The following ICA1 variants were observed in gnomAD, a reference collection of about 807,000 sequenced individuals.
ICA1 encodes the protein 69 kDa islet cell autoantigen.
In ICA1, 40 loss-of-function variants were observed where a neutral mutation model predicts 71.0. The observed-to-expected ratio is 0.56, with a 90% CI of 0.44 to 0.73. The LOEUF (loss-of-function observed/expected upper bound fraction) is 0.73. Among genes scored for constraint, ICA1 ranks in the 30% least tolerant of loss-of-function variants. The pLI, the probability that ICA1 is intolerant of heterozygous loss-of-function variation, is 0.00. For synonymous variants in ICA1, 207 were observed against 209.5 expected (o/e 0.99, Z 0.10); for missense variants, 578 against 576.5 (o/e 1.00, Z -0.03).
At chr7:8,119,873 A>G (rs1385924631) in intron 13 of ICA1, among the ~76,000 whole-genome samples, 1 of 152,226 alleles carries the variant, frequency 6.6e-6, no homozygotes, top group Non-Finnish European at 1.5e-5. Context: ...AAGAGGACCC[A>G]GGAATACAAA....
intron 1 of ICA1, among the ~76,000 whole-genome samples, chr7:8,261,268 G>A (rs776242307): frequency 3.9e-5 from 6 of 152,186 alleles, no homozygotes; most frequent in Non-Finnish European, 8.8e-5. Flanking sequence ...ACCCCAAAGA[G>A]AAGCTCAGGT....
At chr7:8,118,952 C>T (rs900123858) in intron 13 of ICA1, among the ~76,000 whole-genome samples, 38 of 152,116 alleles carry the variant, frequency 2.5e-4, no homozygotes, top group Admixed American at 2.2e-3. Flanking sequence ...AGGTAGAGCC[C>T]GGGAAGATTT....
At chr7:8,196,144 T>C (rs1357292978) in intron 6 of ICA1, among the ~76,000 whole-genome samples, 1 of 152,164 alleles carries the variant, frequency 6.6e-6, no homozygotes, top group Non-Finnish European at 1.5e-5. Flanking sequence ...AAAACTGTGA[T>C]ACATCCAGAC....
At chr7:8,128,223 G>C in intron 12 of ICA1, 81 bp from the exon 13 acceptor site, 2 of 1,428,590 alleles carry the variant, frequency 1.4e-6, no homozygotes, top group South Asian at 1.3e-5. Flanking sequence ...GCTGCGAAGG[G>C]GGAGACTGGT....
intron 6 of ICA1, among the ~76,000 whole-genome samples, chr7:8,179,573 A>T (rs190209324): frequency 3.3e-5 from 5 of 152,326 alleles, no homozygotes; most frequent in Non-Finnish European, 2.9e-5. Flanking sequence ...GGTGTTGCTA[A>T]ATGTGGTGGG....
chr7:8,251,141 G>A (rs1415833963), intron 1 of ICA1, among the ~76,000 whole-genome samples: 1 of 151,938 alleles, frequency 6.6e-6, no homozygotes, highest in Non-Finnish European at 1.5e-5. Flanking sequence ...ACCAGCTTTG[G>A]ACTCCCCAAG....
Position 8,127,933 on chromosome 7 carries a change from C to G in ICA1, c.1270G>C (p.Gly424Arg). The change falls in exon 13 of 14, where the codon GGT becomes CGT. Residue 424 changes from glycine (G) to arginine (R), a missense_variant. Gly to Arg is a moderately radical substitution (Grantham distance 125). Coordinates refer to ENST00000402384, the MANE Select transcript of ICA1 (RefSeq NM_001136020.3). ...TCTAAAAGCTGCGAAGGAAGGAAAC[C>G]TGAGCCTGTCTGGGCCTTGGGGTCT... ...EPDPKAQTGS[G>R]FLPSQLLDQN... is the part of the protein sequence containing the mutation. 6.2e-7 allele frequency: 1 copy of G among 1,614,224 alleles called. No individual in the cohort carries two copies. The highest frequency in any genetic ancestry group is 1.7e-5 in the Admixed American group (1 of 60,030).
At chr7:8,126,947 AC>A (rs1789429546) in intron 13 of ICA1, among the ~76,000 whole-genome samples, 3 of 150,370 alleles carry the variant, frequency 2.0e-5, no homozygotes, top group Admixed American at 1.3e-4. Flanking sequence ...TGTACCTTGA[AC>A]CCTTACTGAT....
intron 1 of ICA1, among the ~76,000 whole-genome samples, chr7:8,254,593 G>C (rs992435953): frequency 6.6e-6 from 1 of 150,912 alleles, no homozygotes; most frequent in Non-Finnish European, 1.5e-5. Flanking sequence ...GCAAAGCCCA[G>C]AGCTTATAAA....
intron 13 of ICA1, 94 bp from the exon 14 acceptor site, chr7:8,114,138 C>T (rs1029853052): frequency 1.5e-6 from 2 of 1,335,912 alleles, no homozygotes; most frequent in Non-Finnish European, 2.1e-6. Context: ...TCTTCAAATG[C>T]AGATTGTTCA....
intron 8 of ICA1, among the ~76,000 whole-genome samples, chr7:8,153,564 C>A (rs73057571): frequency 1.3e-5 from 2 of 151,842 alleles, no homozygotes; most frequent in Non-Finnish European, 2.9e-5. Context: ...ATGACATCCT[C>A]GAAAGATGAA....
At position 8,168,033 on chromosome 7, in the gene ICA1, A is replaced by G. The variant is rs78883378; in HGVS notation, c.580-9381T>C. On this transcript the variant is annotated intron_variant, in intron 6 of 13. Coordinates refer to ENST00000402384, the MANE Select transcript of ICA1 (RefSeq NM_001136020.3). ...AGAGAGCAGAGAGAGAAAAAGAGGG[A>G]GAGAGAGAGAGAGAGACGGAGAGAC... Among the ~76,000 whole-genome samples, 266 of 90,014 alleles carry G rather than the reference A, an allele frequency of 3.0e-3. 3 individuals carry two copies. The East Asian group carries it at 0.05, about 17-fold the overall frequency. 59.1% of individuals were successfully genotyped at this position (90,014 alleles called of 152,430 possible).
chr7:8,237,158 G>C (rs541719341), intron 1 of ICA1, among the ~76,000 whole-genome samples: 2 of 152,102 alleles, frequency 1.3e-5, no homozygotes, highest in East Asian at 3.9e-4. Flanking sequence ...TCTCTTCCTT[G>C]TGGAGAGCAT....
At chr7:8,155,793 A>T (rs1801281840) in intron 8 of ICA1, among the ~76,000 whole-genome samples, 1 of 152,184 alleles carries the variant, frequency 6.6e-6, no homozygotes, top group African/African-American at 2.4e-5. Flanking sequence ...CCTTGGTCAG[A>T]ATGCCTGCTT....
intron 6 of ICA1, among the ~76,000 whole-genome samples, chr7:8,217,522 T>C (rs886983210): frequency 2.0e-5 from 3 of 152,206 alleles, no homozygotes; most frequent in Admixed American, 2.0e-4. Flanking sequence ...TGACACAATA[T>C]TATGTCAAGC....
At chr7:8,122,324 T>C (rs925151649) in intron 13 of ICA1, among the ~76,000 whole-genome samples, 6 of 152,218 alleles carry the variant, frequency 3.9e-5, no homozygotes, top group African/African-American at 1.4e-4. Context: ...TTGGAAGCCA[T>C]GCTGAGGAGT....
At position 8,130,154 on chromosome 7, in the gene ICA1, A is replaced by C; in HGVS notation, c.1061-2012T>G. Among the ~76,000 whole-genome samples the C allele has an allele frequency of 6.6e-6, 1 of 152,166 alleles. No individual in the cohort carries two copies. Among genetic ancestry groups the C allele is most frequent in the East Asian group, 1.9e-4 (1 of 5,194 alleles). ...AGTCTTTGCTGCTAGTGCCGCAATA[A>C]ACATACGTGGGCATGTGTCTTTATA... On this transcript the variant is annotated intron_variant, in intron 12 of 13. Coordinates refer to ENST00000402384, the MANE Select transcript of ICA1 (RefSeq NM_001136020.3). This position sits in a 1 kb window ranked among gnomAD's most constrained non-coding sequence, Gnocchi z 4.2.
At chr7:8,152,562 ACCACCACCACCACC>A (rs1799242171) in intron 8 of ICA1, among the ~76,000 whole-genome samples, 1 of 27,402 alleles carries the variant, frequency 3.6e-5, no homozygotes, top group South Asian at 1.2e-3. Context: ...CTCCACCACC[ACCACCACCACCACC>A]ATCTCCTTCA....
intron 2 of ICA1, among the ~76,000 whole-genome samples, chr7:8,233,635 A>G (rs937534888): frequency 6.6e-6 from 1 of 152,012 alleles, no homozygotes; most frequent in East Asian, 1.9e-4. Context: ...ACCTCAGATG[A>G]TCCGCCCTCC....
Sources: gnomAD v4.1 joint callset for allele counts (sites outside exome capture counted in the v4.1 genomes callset) on GRCh38, gnomAD v4.1.1 for gene constraint, Gnocchi (gnomAD v3.1) non-coding constraint, MANE v1.5 for transcripts, NCBI Gene and HGNC (gene_info 2026-07-23, HGNC 2026-07-21) for gene names.